The following ITPK1 variants were observed in gnomAD, a reference collection of about 807,000 sequenced individuals.
ITPK1 encodes inositol-tetrakisphosphate 1-kinase.
Under a neutral mutation model 45.3 loss-of-function variants are expected in ITPK1, and 21 were observed. The observed-to-expected ratio is 0.46, with a 90% CI of 0.33 to 0.67. The LOEUF is 0.67. Among genes scored for constraint, ITPK1 ranks in the 30% least tolerant of loss-of-function variants. ITPK1 has a pLI of 0.02. For missense variants in ITPK1, 474 were observed against 573.5 expected, an observed-to-expected ratio of 0.83 and a Z score of 1.77; for synonymous variants, 258 against 253.6, an observed-to-expected ratio of 1.02 and a Z score of -0.16.
At chr14:93,002,171 T>C (rs886946655) in intron 4 of ITPK1, among the ~76,000 whole-genome samples, 9 of 151,974 alleles carry the variant, frequency 5.9e-5, no homozygotes, top group African/African-American at 1.7e-4. Context: ...CTGGGCAACA[T>C]AGCAAGACCC....
chr14:92,991,255 G>A (rs1886774183), intron 5 of ITPK1, among the ~76,000 whole-genome samples: 1 of 152,120 alleles, frequency 6.6e-6, no homozygotes, highest in Admixed American at 6.5e-5. Flanking sequence ...GTGGGGGCAT[G>A]CAGCAGGGAC....
intron 4 of ITPK1, among the ~76,000 whole-genome samples, chr14:93,003,532 T>C (rs1887458498): frequency 6.6e-6 from 1 of 152,160 alleles, no homozygotes; most frequent in South Asian, 2.1e-4. Flanking sequence ...GGGTTGGAGT[T>C]GGAGATGCAT....
At chr14:93,104,342 T>C (rs8009680) in intron 2 of ITPK1, among the ~76,000 whole-genome samples, 141,895 of 152,148 alleles carry the variant, frequency 0.93, 66,233 homozygotes, top group South Asian at 0.95. Context: ...TACAAAAATT[T>C]GCTGGGTGTG....
chr14:92,947,620 G>A (rs1430686991), intron 9 of ITPK1, among the ~76,000 whole-genome samples: 2 of 152,230 alleles, frequency 1.3e-5, no homozygotes, highest in African/African-American at 2.4e-5. Flanking sequence ...TTGATAAGGT[G>A]TGGACAGCAT....
rs1389736115 is a variant in ITPK1 at position 92,938,947 on chromosome 14, C to T, written c.*2614G>A. On this transcript the variant is annotated 3_prime_UTR_variant, in exon 11 of 11. Coordinates refer to ENST00000267615, the MANE Select transcript of ITPK1 (RefSeq NM_014216.6). ...AGGACTCAGCCAAAGTGTGGTCTGG[C>T]CCCTTGCTCCTGGAGCCCTTCAGCA... 8.4e-5 allele frequency: 17 copies of T among 203,312 alleles called. No homozygotes were observed. Among genetic ancestry groups the T allele is most frequent in the African/African-American group, 2.6e-4 (11 of 42,964 alleles). The allele number at this position is 203,312 out of a possible 1,614,324, so 12.6% of individuals were successfully genotyped here. A position where few individuals can be genotyped will look rare whatever the true frequency, so the allele number is the denominator to read the frequency against.
intron 5 of ITPK1, among the ~76,000 whole-genome samples, chr14:92,964,529 CA>C: frequency 6.6e-6 from 1 of 152,338 alleles, no homozygotes; most frequent in Non-Finnish European, 1.5e-5. Flanking sequence ...GCAGTCTGAG[CA>C]AAAGCCTCCT....
chr14:92,966,893 T>C (rs1566703023), intron 5 of ITPK1, among the ~76,000 whole-genome samples: 1 of 152,266 alleles, frequency 6.6e-6, no homozygotes, highest in Non-Finnish European at 1.5e-5. Flanking sequence ...GATATTCACA[T>C]GCAAAAGAAT....
intron 5 of ITPK1, among the ~76,000 whole-genome samples, chr14:92,971,583 G>C (rs1437162603): frequency 6.6e-6 from 1 of 152,224 alleles, no homozygotes; most frequent in Middle Eastern, 3.2e-3. Flanking sequence ...TCAAATGTCA[G>C]TAACACGCCA....
intron 5 of ITPK1, among the ~76,000 whole-genome samples, chr14:92,978,684 T>A (rs1886072466): frequency 6.6e-6 from 1 of 151,948 alleles, no homozygotes; most frequent in Non-Finnish European, 1.5e-5. Flanking sequence ...GAGGGTGCAA[T>A]CCCCAAGCCT....
At chr14:92,948,324 A>G (rs1887781750) in intron 9 of ITPK1, among the ~76,000 whole-genome samples, 1 of 152,190 alleles carries the variant, frequency 6.6e-6, no homozygotes, top group Admixed American at 6.5e-5. Flanking sequence ...TTCGCTTTAA[A>G]ATGGTTAATC....
chr14:92,956,265 G>A (rs1884723197), intron 8 of ITPK1, among the ~76,000 whole-genome samples: 1 of 151,664 alleles, frequency 6.6e-6, no homozygotes, highest in Non-Finnish European at 1.5e-5. Flanking sequence ...GACTGCAGGT[G>A]CACACCACCA....
intron 5 of ITPK1, among the ~76,000 whole-genome samples, chr14:92,977,586 T>A (rs957137406): frequency 2.3e-4 from 35 of 149,408 alleles, no homozygotes; most frequent in South Asian, 2.1e-4. Context: ...ATCATGGGGG[T>A]GGATTTCCCC....
chr14:93,111,142 G>C (rs1459983261), intron 2 of ITPK1, among the ~76,000 whole-genome samples: 1 of 152,136 alleles, frequency 6.6e-6, no homozygotes, highest in Non-Finnish European at 1.5e-5. Context: ...AGTAAAGACA[G>C]ATAAGGTTCA....
chr14:93,102,143 C>T (rs1450840073), intron 2 of ITPK1, among the ~76,000 whole-genome samples: 2 of 152,256 alleles, frequency 1.3e-5, no homozygotes, highest in Non-Finnish European at 2.9e-5. Flanking sequence ...AGGCACATTC[C>T]TCACCAGGAG....
rs768017814 is a variant in ITPK1 at position 92,946,394 on chromosome 14, T to C, written c.838A>G (p.Ile280Val). 2.3e-5 allele frequency: 37 copies of C among 1,613,312 alleles called. No homozygotes were observed. The Admixed American group carries it at 3.2e-4, about 14-fold the overall frequency. The change falls in exon 10 of 11, where the codon ATC becomes GTC. Residue 280 changes from isoleucine to valine, a missense_variant. By Grantham distance (29) the Ile-to-Val change is conservative. Around this residue, in one of 2 missense-constraint regions of ITPK1, gnomAD observed 367 missense variants for 480.6 expected, o/e 0.76. Transcript: ENST00000267615. ...RQALGVSLFG[I>V]DIIINNQTGQ... is the part of the protein sequence containing the mutation. ...GTCTGGTTGTTGATGATGATGTCGA[T>C]GCCGAAGAGTGACACGCCCAGTGCC...
chr14:92,978,623 C>T (rs375187680), intron 5 of ITPK1, among the ~76,000 whole-genome samples: 37 of 152,100 alleles, frequency 2.4e-4, no homozygotes, highest in Admixed American at 2.2e-3. Flanking sequence ...ATCCTGCATC[C>T]CAGCTGCTCC....
intron 5 of ITPK1, among the ~76,000 whole-genome samples, chr14:92,967,707 G>A (rs1885449170): frequency 6.6e-6 from 1 of 152,128 alleles, no homozygotes; most frequent in Admixed American, 6.5e-5. Context: ...CCCATACAAT[G>A]GAATATTATT....
Position 92,938,360 on chromosome 14 carries a change from C to G in ITPK1, c.*3201G>C. ...GTGGCCAATGTGAGTGCCCAAGAGC[C>G]AAGAACTGGTCTTCCAGGCTAGAAG... On this transcript the variant is annotated 3_prime_UTR_variant, in exon 11 of 11. Transcript: ENST00000267615. 1 of 762,874 alleles carries G rather than the reference C, an allele frequency of 1.3e-6. No homozygotes were observed. Among genetic ancestry groups the G allele is most frequent in the South Asian group, 1.5e-5 (1 of 66,704 alleles). 47.3% of individuals were successfully genotyped at this position (762,874 alleles called of 1,614,324 possible).
At chr14:93,054,787 C>A (rs182748223) in intron 3 of ITPK1, among the ~76,000 whole-genome samples, 1 of 152,236 alleles carries the variant, frequency 6.6e-6, no homozygotes, top group Admixed American at 6.5e-5. Context: ...AAACAGCACT[C>A]TCTCTGCCTC....
Sources: allele counts gnomAD v4.1 joint callset (sites outside exome capture counted in the v4.1 genomes callset), GRCh38; gene constraint gnomAD v4.1.1; regional missense constraint gnomAD v4.1.1; transcripts MANE v1.5; gene names NCBI Gene and HGNC (gene_info 2026-07-23, HGNC 2026-07-21).